The following UGT2B10 variants were observed in gnomAD, a reference collection of about 807,000 sequenced individuals.
UGT2B10 encodes the protein UDP-glucuronosyltransferase 2B10.
UGT2B10 carries 51 observed loss-of-function variants against 43.7 expected under a neutral mutation model. The ratio of observed to expected loss-of-function variants is 1.17; its 90% confidence interval spans 0.93 to 1.47. UGT2B10 has a LOEUF of 1.47. Among genes scored for constraint, UGT2B10 ranks in the 40% most tolerant of loss-of-function variants. The pLI, the probability that UGT2B10 is intolerant of heterozygous loss-of-function variation, is 0.00. For synonymous variants in UGT2B10, 225 were observed against 209.0 expected (o/e 1.08, Z -0.66); for missense variants, 696 against 617.7 (o/e 1.13, Z -1.34).
intron 4 of UGT2B10, among the ~76,000 whole-genome samples, chr4:68,826,985 G>A (rs1274588788): frequency 6.6e-6 from 1 of 151,938 alleles, no homozygotes; most frequent in African/African-American, 2.4e-5. Context: ...CTGCTGCCTT[G>A]CACACCCCAC....
chr4:68,829,947 A>C (rs1293604395), intron 5 of UGT2B10, among the ~76,000 whole-genome samples: 1 of 152,088 alleles, frequency 6.6e-6, no homozygotes, highest in Non-Finnish European at 1.5e-5. Flanking sequence ...GTTGCAAAAC[A>C]TCATTCTGGC....
At chr4:68,824,691 GA>G (rs1398721679) in intron 3 of UGT2B10, among the ~76,000 whole-genome samples, 1 of 152,114 alleles carries the variant, frequency 6.6e-6, no homozygotes, top group African/African-American at 2.4e-5. Context: ...TTCAGTTTAT[GA>G]GGATTGCTTT....
At chr4:68,816,784 T>A (rs1276927231) in intron 1 of UGT2B10, 47 bp downstream of exon 1, 1 of 1,450,318 alleles carries the variant, frequency 6.9e-7, no homozygotes, top group South Asian at 1.4e-5. Context: ...CTTATTTGTG[T>A]CTTTGAAGCA....
At chr4:68,825,032 A>G (rs1194499295) in intron 3 of UGT2B10, among the ~76,000 whole-genome samples, 4 of 152,166 alleles carry the variant, frequency 2.6e-5, no homozygotes, top group Admixed American at 2.6e-4. Context: ...CCCTTGCAGC[A>G]TTTATTTATT....
chr4:68,830,790 G>C lies in UGT2B10; in HGVS notation c.1498G>C (p.Val500Leu), dbSNP rs1738055845. 2 of 1,613,318 alleles carry C rather than the reference G, an allele frequency of 1.2e-6. No individual in the cohort carries two copies. The highest frequency in any genetic ancestry group is 1.7e-5 in the Admixed American group (1 of 59,918). The change falls in exon 6 of 6, where the codon GTG (valine) becomes CTG (leucine). Residue 500 changes from valine to leucine, a missense_variant. By Grantham distance (32) the Val-to-Leu change is conservative. Transcript: ENST00000265403. Reference protein sequence around the residue: ...LDVIGFLLACVATVLFIITKC... With the variant: ...LDVIGFLLACLATVLFIITKC... ...TGTGATTGGGTTCCTGCTGGCTTGTGTGGCAACCGTGCTATTTATCATCAC... is the reference window on the plus strand; with the variant it reads ...TGTGATTGGGTTCCTGCTGGCTTGTCTGGCAACCGTGCTATTTATCATCAC...
rs763780648 is a variant in UGT2B10, at chr4:68,826,425, G to C, written c.1015G>C (p.Asp339His). The stretch of plus-strand genomic sequence containing the variant: ...ACTGTAACAGGTTCTTTGGAGATTT[G>C]ATGGGAATAAACCAGATGCCTTAGG... ...KIPQKVLWRF[D>H]GNKPDALGLN... The change falls in exon 4 of 6, where the codon GAT becomes CAT. Residue 339 changes from aspartate (D) to histidine (H), a missense_variant. Coordinates refer to ENST00000265403, the MANE Select transcript of UGT2B10 (RefSeq NM_001075.6). The C allele has an allele frequency of 3.2e-5, 52 of 1,610,840 alleles. No homozygotes were observed. The highest frequency in any genetic ancestry group is 4.3e-5 in the Non-Finnish European group (51 of 1,179,014).
At chr4:68,829,429 C>T (rs1326039984) in intron 5 of UGT2B10, among the ~76,000 whole-genome samples, 5 of 151,958 alleles carry the variant, frequency 3.3e-5, no homozygotes, top group African/African-American at 1.2e-4. Flanking sequence ...AGATAATGTT[C>T]AAGATGATCT....
At chr4:68,823,025 C>G (rs1301013574) in intron 3 of UGT2B10, among the ~76,000 whole-genome samples, 1 of 151,998 alleles carries the variant, frequency 6.6e-6, no homozygotes, top group South Asian at 2.1e-4. Context: ...TACTTTAAGT[C>G]AAATGCTTAT....
chr4:68,816,372 T>A lies in UGT2B10; in HGVS notation c.353T>A (p.Ile118Asn). The A allele has an allele frequency of 1.2e-6, 2 of 1,612,726 alleles. No individual in the cohort carries two copies. The highest frequency in any genetic ancestry group is 8.5e-7 in the Non-Finnish European group (1 of 1,179,214). Residue 118 changes from isoleucine to asparagine, a missense_variant, in exon 1 of 6, where the codon ATT becomes AAT. Coordinates refer to ENST00000265403, the MANE Select transcript of UGT2B10 (RefSeq NM_001075.6). ...CAAGAACAAGAAATCCTGTGGGCAATTAATGACATAATTAGAAACTTCTGT... is the reference window on the plus strand; with the variant it reads ...CAAGAACAAGAAATCCTGTGGGCAAATAATGACATAATTAGAAACTTCTGT... Reference protein sequence around the residue: ...FSQEQEILWAINDIIRNFCKD... With the variant: ...FSQEQEILWANNDIIRNFCKD...
At chr4:68,827,261 C>T in intron 4 of UGT2B10, 68 bp from the exon 5 acceptor site, 1 of 1,608,814 alleles carries the variant, frequency 6.2e-7, no homozygotes. Context: ...CTGTCACTTT[C>T]AGAGCCTTTC....
chr4:68,818,040 A>G lies in UGT2B10; in HGVS notation c.730A>G (p.Thr244Ala), dbSNP rs752617796. ...TTTATTCCTATCAGGAAGACCCACT[A>G]CATTATCTGAGACAATGAGGAAAGC... ...FYSEVLGRPT[T>A]LSETMRKADI... Residue 244 changes from threonine (T) to alanine (A), a missense_variant, in exon 2 of 6, where the codon ACA becomes GCA. By Grantham distance (58) the Thr-to-Ala change is moderately conservative. Transcript: ENST00000265403. 1.2e-6 allele frequency: 2 copies of G among 1,609,384 alleles called. No individual in the cohort carries two copies. Among genetic ancestry groups the G allele is most frequent in the East Asian group, 2.2e-5 (1 of 44,714 alleles).
At chr4:68,824,358 A>T (rs909480795) in intron 3 of UGT2B10, among the ~76,000 whole-genome samples, 1 of 152,218 alleles carries the variant, frequency 6.6e-6, no homozygotes, top group Non-Finnish European at 1.5e-5. Flanking sequence ...GATCCTGTCC[A>T]GTATAAAATG....
At chr4:68,826,165 T>C (rs1737763441) in intron 3 of UGT2B10, among the ~76,000 whole-genome samples, 3 of 152,142 alleles carry the variant, frequency 2.0e-5, no homozygotes, top group Admixed American at 2.0e-4. Flanking sequence ...ATTTTCTAAA[T>C]ACTTGAACTT....
chr4:68,819,429 A>T (rs913212688), intron 2 of UGT2B10, among the ~76,000 whole-genome samples: 2 of 151,990 alleles, frequency 1.3e-5, no homozygotes, highest in African/African-American at 4.8e-5. Flanking sequence ...TTCCATAAGT[A>T]ATAAGGATCT....
In UGT2B10 at chr4:68,830,603, T is replaced by C; in HGVS notation, c.1311T>C (p.Tyr437=). 6.2e-7 allele frequency: 1 copy of C among 1,610,918 alleles called. No individual in the cohort carries two copies. Among genetic ancestry groups the C allele is most frequent in the Non-Finnish European group, 8.5e-7 (1 of 1,178,668 alleles). ...ALKTVINDPS[Y]KENIMKLSRI... Reference sequence around the variant, plus strand: ...TATCTTTATTTTTATCCTTCAGATATAAAGAGAATATTATGAAATTATCAA... The same window carrying C: ...TATCTTTATTTTTATCCTTCAGATACAAAGAGAATATTATGAAATTATCAA... Residue 437 remains tyrosine (Y), a synonymous_variant, in exon 6 of 6, where the codon TAT becomes TAC. Coordinates refer to ENST00000265403, the MANE Select transcript of UGT2B10 (RefSeq NM_001075.6).
chr4:68,822,249 A>C (rs1461389003), intron 2 of UGT2B10, 22 bp from the exon 3 acceptor site: 1 of 1,608,500 alleles, frequency 6.2e-7, no homozygotes. Context: ...TTATGATGAA[A>C]CATTTTTTCT....
chr4:68,830,732 C>T lies in UGT2B10; in HGVS notation c.1440C>T (p.His480=), dbSNP rs534255693. The T allele has an allele frequency of 3.0e-5, 48 of 1,613,430 alleles. No individual in the cohort carries two copies. Among genetic ancestry groups the T allele is most frequent in the Admixed American group, 1.3e-4 (8 of 59,960 alleles). The part of the protein sequence containing the change: ...KGAKHLRVAA[H]NLTWFQYHSL... ...CCAAACATCTTCGAGTTGCAGCCCA[C>T]AACCTCACCTGGTTCCAGTACCACT... The change falls in exon 6 of 6, where the codon CAC becomes CAT. Residue 480 remains histidine (H), a synonymous_variant. Transcript: ENST00000265403.
chr4:68,830,844 T>C lies in UGT2B10; in HGVS notation c.1552T>C (p.Phe518Leu). ...GTGTTGTCTGTTTTGTTTCTGGAAG[T>C]TTGCTAGAAAAGGAAAGAAGGGAAA... ...TKCCLFCFWKFARKGKKGKRD is the reference protein window; with the variant it reads ...TKCCLFCFWKLARKGKKGKRD The change falls in exon 6 of 6, where the codon TTT becomes CTT. Residue 518 changes from phenylalanine (F) to leucine (L), a missense_variant. Phe to Leu is a conservative substitution (Grantham distance 22, BLOSUM62 0). Transcript: ENST00000265403. The C allele has an allele frequency of 6.2e-7, 1 of 1,612,998 alleles. No individual in the cohort carries two copies. Among genetic ancestry groups the C allele is most frequent in the Non-Finnish European group, 8.5e-7 (1 of 1,179,398 alleles).
intron 3 of UGT2B10, among the ~76,000 whole-genome samples, chr4:68,825,168 C>T (rs1300270593): frequency 6.6e-6 from 1 of 151,872 alleles, no homozygotes; most frequent in African/African-American, 2.4e-5. Flanking sequence ...GAAACGAATA[C>T]ATTACAATTA....
Sources: allele counts gnomAD v4.1 joint callset (sites outside exome capture counted in the v4.1 genomes callset), GRCh38; gene constraint gnomAD v4.1.1; transcripts MANE v1.5; gene names NCBI Gene and HGNC (gene_info 2026-07-23, HGNC 2026-07-21).